ABCB1: variants seen among roughly 807,000 people sequenced by gnomAD.
The protein encoded by ABCB1 is ATP binding cassette subfamily B member 1, also known as ATP-dependent translocase ABCB1.
In ABCB1, 69 loss-of-function variants were observed where a neutral mutation model predicts 142.0. The ratio of observed to expected loss-of-function variants is 0.49; its 90% confidence interval spans 0.40 to 0.59. ABCB1 has a LOEUF of 0.59. Among genes scored for constraint, ABCB1 ranks in the 20% least tolerant of loss-of-function variants. The pLI, the probability that ABCB1 is intolerant of heterozygous loss-of-function variation, is 0.00. For missense variants in ABCB1, 1,326 were observed against 1,554.7 expected, an observed-to-expected ratio of 0.85 and a Z score of 2.47; for synonymous variants, 532 against 539.2, an observed-to-expected ratio of 0.99 and a Z score of 0.18.
At chr7:87,510,486 A>G (rs1814958001) in intron 25 of ABCB1, among the ~76,000 whole-genome samples, 1 of 152,246 alleles carries the variant, frequency 6.6e-6, no homozygotes, top group Non-Finnish European at 1.5e-5. Flanking sequence ...TCTGATGCAA[A>G]TATGTCTATC....
At chr7:87,613,108 A>T (rs181049409) in intron 1 of ABCB1, among the ~76,000 whole-genome samples, 63 of 151,050 alleles carry the variant, frequency 4.2e-4, no homozygotes, top group Non-Finnish European at 6.9e-4. Flanking sequence ...TGATTTATGT[A>T]CATTGATTTT....
At chr7:87,686,046 T>C (rs942767777) in intron 1 of ABCB1, among the ~76,000 whole-genome samples, 6 of 152,204 alleles carry the variant, frequency 3.9e-5, no homozygotes, top group Non-Finnish European at 7.3e-5. Flanking sequence ...TTCTCTGCTT[T>C]GGAAATGAAT....
chr7:87,644,894 T>G (rs1822827279), intron 1 of ABCB1, among the ~76,000 whole-genome samples: 1 of 151,942 alleles, frequency 6.6e-6, no homozygotes, highest in African/African-American at 2.4e-5. Context: ...AATTTTTAAG[T>G]TATTTTTAAT....
At chr7:87,539,139 C>G (rs2235066) in intron 19 of ABCB1, 129 bp downstream of exon 19, 2 of 987,722 alleles carry the variant, frequency 2.0e-6, no homozygotes, top group Non-Finnish European at 3.1e-6. Context: ...GCATCTCTGA[C>G]GTGAGACTGA....
chr7:87,683,580 G>A (rs1445781840), intron 1 of ABCB1, among the ~76,000 whole-genome samples: 1 of 152,176 alleles, frequency 6.6e-6, no homozygotes, highest in African/African-American at 2.4e-5. Flanking sequence ...CCGGTAGCTG[G>A]AGCATTCAGA....
intron 3 of ABCB1, among the ~76,000 whole-genome samples, chr7:87,588,029 C>G (rs918257969): frequency 3.9e-5 from 6 of 151,990 alleles, no homozygotes; most frequent in Non-Finnish European, 8.8e-5. Context: ...ACACCCCTCA[C>G]TGAGCTGGGA....
intron 1 of ABCB1, among the ~76,000 whole-genome samples, chr7:87,623,377 T>G (rs1820295262): frequency 6.6e-6 from 1 of 152,194 alleles, no homozygotes. Flanking sequence ...AAATCCACTT[T>G]GTTTCAATCA....
At chr7:87,693,627 G>A (rs1179140926) in intron 1 of ABCB1, among the ~76,000 whole-genome samples, 1 of 151,980 alleles carries the variant, frequency 6.6e-6, no homozygotes, top group African/African-American at 2.4e-5. Context: ...GAATGATGGA[G>A]GTAAAAGTAA....
chr7:87,520,964 A>G, intron 21 of ABCB1, 88 bp from the exon 22 acceptor site: 1 of 958,374 alleles, frequency 1.0e-6, no homozygotes, highest in Non-Finnish European at 1.7e-6. Context: ...AATGAAAATA[A>G]TTTTATGATT....
intron 21 of ABCB1, among the ~76,000 whole-genome samples, chr7:87,524,491 A>AT (rs1035865852): frequency 6.6e-6 from 1 of 152,130 alleles, no homozygotes; most frequent in Non-Finnish European, 1.5e-5. Flanking sequence ...AGGACAAAAA[A>AT]CCAAACACCG....
intron 1 of ABCB1, among the ~76,000 whole-genome samples, chr7:87,606,932 C>T (rs1368503712): frequency 6.6e-6 from 1 of 152,114 alleles, no homozygotes; most frequent in East Asian, 1.9e-4. Flanking sequence ...GGGACACTCA[C>T]ATTGAATGAA....
chr7:87,539,451 C>A, intron 18 of ABCB1, 106 bp from the exon 19 acceptor site: 1 of 1,157,184 alleles, frequency 8.6e-7, no homozygotes, highest in South Asian at 1.3e-5. Flanking sequence ...GTCAGAAAGC[C>A]TGATTTCAAG....
chr7:87,541,565 G>T, intron 17 of ABCB1, 101 bp from the exon 18 acceptor site: 1 of 821,886 alleles, frequency 1.2e-6, no homozygotes, highest in Non-Finnish European at 2.1e-6. Flanking sequence ...GGTCAGGAGA[G>T]CCTTAGTACG....
intron 25 of ABCB1, 132 bp downstream of exon 25, chr7:87,515,099 C>T (rs1264649253): frequency 1.7e-5 from 20 of 1,196,456 alleles, no homozygotes; most frequent in Non-Finnish European, 2.0e-5. Flanking sequence ...CATATTTAGG[C>T]TCTCAGACTT....
chr7:87,663,106 A>G (rs578029932), intron 1 of ABCB1, among the ~76,000 whole-genome samples: 7 of 152,224 alleles, frequency 4.6e-5, no homozygotes, highest in African/African-American at 1.7e-4. Flanking sequence ...CTGCAACTTT[A>G]CTGAATTTGT....
intron 1 of ABCB1, among the ~76,000 whole-genome samples, chr7:87,689,132 A>G (rs1360774288): frequency 1.3e-5 from 2 of 152,090 alleles, no homozygotes; most frequent in African/African-American, 2.4e-5. Context: ...AGATGATACT[A>G]TGAAAAGAGT....
At chr7:87,647,972 C>T (rs1584995387) in intron 1 of ABCB1, among the ~76,000 whole-genome samples, 2 of 151,914 alleles carry the variant, frequency 1.3e-5, no homozygotes. Flanking sequence ...ATCATGAGGT[C>T]AAGAAATCGA....
intron 1 of ABCB1, among the ~76,000 whole-genome samples, chr7:87,700,757 G>A (rs1828959608): frequency 6.6e-6 from 1 of 152,180 alleles, no homozygotes; most frequent in African/African-American, 2.4e-5. Context: ...CCCTGAAGAT[G>A]TCCAAGACCC....
At chr7:87,687,162 C>G (rs1441424852) in intron 1 of ABCB1, among the ~76,000 whole-genome samples, 1 of 151,940 alleles carries the variant, frequency 6.6e-6, no homozygotes, top group Non-Finnish European at 1.5e-5. Flanking sequence ...AATATTTTTT[C>G]AGTTATATTT....
Sources: gnomAD v4.1 joint callset for allele counts (sites outside exome capture counted in the v4.1 genomes callset) on GRCh38, gnomAD v4.1.1 for gene constraint, MANE v1.5 for transcripts, NCBI Gene and HGNC (gene_info 2026-07-23, HGNC 2026-07-21) for gene names.